PCNX2: variants seen among roughly 807,000 people sequenced by gnomAD.
PCNX2 encodes pecanex 2.
PCNX2 carries 168 observed loss-of-function variants against 223.8 expected under a neutral mutation model. That is an observed-to-expected ratio of 0.75 (90% CI 0.66 to 0.85). The LOEUF (loss-of-function observed/expected upper bound fraction) is 0.85, where lower values mean the gene tolerates loss of function less well. Among genes scored for constraint, PCNX2 ranks in the 40% least tolerant of loss-of-function variants. PCNX2 has a pLI of 0.00. For synonymous variants in PCNX2, 1,006 were observed against 1,052.6 expected, an observed-to-expected ratio of 0.96 and a Z score of 0.86; for missense variants, 2,507 against 2,675.5, an observed-to-expected ratio of 0.94 and a Z score of 1.39.
rs373209360 is a variant in PCNX2, at chr1:232,984,108, ATTTTTTTTTTTTT to A, written c.*183_*195del. 3.3e-4 allele frequency: 44 copies of A among 135,150 alleles called. 1 individual carries two copies. The highest frequency in any genetic ancestry group is 2.3e-3 in the Middle Eastern group (1 of 430). The allele number at this position is 135,150 out of a possible 1,614,324, so 8.4% of individuals were successfully genotyped here. On this transcript the variant is annotated 3_prime_UTR_variant, in exon 34 of 34. Transcript: ENST00000258229. ...GAGGTTTTTTTGTTGTTGTTGTTTG[ATTTTTTTTTTTTT>A]TTTTTTTTTTTTTTCAAAAACCTGA... is the stretch of plus-strand genomic sequence containing the variant.
chr1:233,046,736 T>G (rs1196340594), intron 25 of PCNX2, among the ~76,000 whole-genome samples: 1 of 152,214 alleles, frequency 6.6e-6, no homozygotes, highest in African/African-American at 2.4e-5. Context: ...ATCTTGGGGA[T>G]GGCTACATCT....
chr1:233,192,682 A>G lies in PCNX2; in HGVS notation c.3066+6257T>C, dbSNP rs1572051285. The stretch of plus-strand genomic sequence containing the variant: ...CAACTTTAAAGCTAAGCAAGCAATT[A>G]TGAAGGTCGAATAATATGAATGCCA... On this transcript the variant is annotated intron_variant, in intron 15 of 33. Coordinates refer to ENST00000258229, the MANE Select transcript of PCNX2 (RefSeq NM_014801.4). 3.9e-5 allele frequency among the ~76,000 whole-genome samples: 6 copies of G among 152,302 alleles called. 1 individual carries two copies. The highest frequency in any genetic ancestry group is 3.9e-4 in the Admixed American group (6 of 15,304).
At chr1:233,230,881 T>C (rs1480292517) in intron 9 of PCNX2, among the ~76,000 whole-genome samples, 3 of 152,178 alleles carry the variant, frequency 2.0e-5, no homozygotes, top group Non-Finnish European at 2.9e-5. Flanking sequence ...GGTGGAATTT[T>C]TGAAATCTAA....
At chr1:233,050,031 T>C (rs1364602141) in intron 25 of PCNX2, among the ~76,000 whole-genome samples, 1 of 151,526 alleles carries the variant, frequency 6.6e-6, no homozygotes, top group Non-Finnish European at 1.5e-5. Context: ...ACATAGGAGT[T>C]GAACAATGGG....
Position 233,016,980 on chromosome 1 carries a change from C to T in PCNX2, c.4780G>A (p.Ala1594Thr). 5 of 1,613,762 alleles carry T rather than the reference C, an allele frequency of 3.1e-6. No individual in the cohort carries two copies. Among genetic ancestry groups the T allele is most frequent in the Non-Finnish European group, 4.2e-6 (5 of 1,179,686 alleles). The change falls in exon 27 of 34, where the codon GCT becomes ACT. Residue 1594 changes from alanine to threonine, a missense_variant. Ala to Thr is a moderately conservative substitution (Grantham distance 58). Coordinates refer to ENST00000258229, the MANE Select transcript of PCNX2 (RefSeq NM_014801.4). ...YVPCLQGITR[A>T]SFCNVYLEWI... ...TCTAGATAAACATTGCAGAAGCTAG[C>T]TCGTGTGATCCCCTGGAGACACGGG...
At chr1:233,017,314 C>CTTTTT (rs57419971) in intron 26 of PCNX2, among the ~76,000 whole-genome samples, 160 bp from the exon 27 acceptor site, 1 of 81,950 alleles carries the variant, frequency 1.2e-5, no homozygotes, top group Non-Finnish European at 2.3e-5. Context: ...CTAAAATGTC[C>CTTTTT]TTTTTTTTTT....
chr1:233,201,928 G>T, intron 13 of PCNX2: 1 of 197,998 alleles, frequency 5.1e-6, no homozygotes. Context: ...AGATGCTCTG[G>T]CTGTGGGTGT....
rs529557774 is a variant in PCNX2 at position 233,147,817 on chromosome 1, C to CT, written c.3518-7963dup. Among the ~76,000 whole-genome samples the CT allele has an allele frequency of 6.2e-4, 94 of 152,250 alleles. 1 individual carries two copies. In the South Asian group the frequency reaches 0.012, roughly 20 times the overall value. On this transcript the variant is annotated intron_variant, in intron 19 of 33. Transcript: ENST00000258229. ...ATGGAGATGGGCTGAGGCCAGGGAT[C>CT]TTTAAGAGGTGATAACTGAATCTCT...
intron 21 of PCNX2, among the ~76,000 whole-genome samples, chr1:233,104,537 A>G (rs1363276288): frequency 6.6e-6 from 1 of 152,144 alleles, no homozygotes; most frequent in East Asian, 1.9e-4. Context: ...AGGTAGAATT[A>G]CAAGGAAAGA....
At chr1:233,310,328 T>C in the PCNX2 span, among the ~76,000 whole-genome samples, 1 of 152,168 alleles carries the variant, frequency 6.6e-6, no homozygotes, top group Non-Finnish European at 1.5e-5. Flanking sequence ...GGAAAACTGA[T>C]AGTATATCAG....
chr1:233,019,235 C>T (rs4649424), intron 26 of PCNX2: 787,010 of 981,998 alleles, frequency 0.8, 319,410 homozygotes, highest in East Asian at 1. Flanking sequence ...CTGATGCTCT[C>T]CCTTCTTTTG....
chr1:233,124,190 T>C (rs1675968227), intron 21 of PCNX2, among the ~76,000 whole-genome samples: 1 of 152,204 alleles, frequency 6.6e-6, no homozygotes, highest in African/African-American at 2.4e-5. Context: ...AAATTTTCCA[T>C]AGAAAGCTGT....
chr1:233,049,843 C>G (rs946720724), intron 25 of PCNX2, among the ~76,000 whole-genome samples: 1 of 147,984 alleles, frequency 6.8e-6, no homozygotes, highest in Non-Finnish European at 1.5e-5. Flanking sequence ...AAATAAAAAA[C>G]ACAATCTCAT....
intron 7 of PCNX2, 129 bp from the exon 8 acceptor site, chr1:233,250,961 G>T (rs1659415047): frequency 4.1e-6 from 4 of 982,726 alleles, no homozygotes; most frequent in South Asian, 3.9e-5. Flanking sequence ...GACAATCGGG[G>T]TCCATTCTTT....
intron 25 of PCNX2, among the ~76,000 whole-genome samples, chr1:233,048,112 T>G (rs1572045243): frequency 6.6e-6 from 1 of 152,124 alleles, no homozygotes; most frequent in African/African-American, 2.4e-5. Flanking sequence ...TGAATGACTT[T>G]TGGGTAAACA....
At position 232,984,285 on chromosome 1, in the gene PCNX2, C is replaced by G; in HGVS notation, c.*19G>C. On this transcript the variant is annotated 3_prime_UTR_variant, in exon 34 of 34. Transcript: ENST00000258229. ...GGGAGGTGTGGGGGAGCCAGCCTCC[C>G]CGCCCGGCCGCACGCCCGTCACTGC... is the stretch of plus-strand genomic sequence containing the variant. 2 of 1,571,968 alleles carry G rather than the reference C, an allele frequency of 1.3e-6. No individual in the cohort carries two copies. The highest frequency in any genetic ancestry group is 2.4e-5 in the South Asian group (2 of 84,602).
chr1:233,188,266 C>G (rs7547193), intron 15 of PCNX2, among the ~76,000 whole-genome samples: 1 of 152,114 alleles, frequency 6.6e-6, no homozygotes, highest in African/African-American at 2.4e-5. Flanking sequence ...CCCTGGCTGT[C>G]GGATTGCAGT....
intron 8 of PCNX2, among the ~76,000 whole-genome samples, chr1:233,249,291 T>C (rs1482801838): frequency 6.6e-6 from 1 of 152,228 alleles, no homozygotes; most frequent in East Asian, 1.9e-4. Flanking sequence ...AACTTTACTT[T>C]GGGATAAAAG....
chr1:233,170,430 A>G (rs1282498067), intron 17 of PCNX2, among the ~76,000 whole-genome samples: 1 of 152,138 alleles, frequency 6.6e-6, no homozygotes, highest in Non-Finnish European at 1.5e-5. Flanking sequence ...GTTTTTGGCC[A>G]TTTATATTTC....
Sources: gnomAD v4.1 joint callset for allele counts (sites outside exome capture counted in the v4.1 genomes callset) on GRCh38, gnomAD v4.1.1 for gene constraint, MANE v1.5 for transcripts, NCBI Gene and HGNC (gene_info 2026-07-23, HGNC 2026-07-21) for gene names.